The following STX8 variants were observed in gnomAD, a reference collection of about 807,000 sequenced individuals.
STX8 encodes syntaxin-8.
Under a neutral mutation model 37.5 loss-of-function variants are expected in STX8, and 23 were observed. The observed-to-expected ratio is 0.61, with a 90% CI of 0.44 to 0.87. The LOEUF is 0.87. Among genes scored for constraint, STX8 ranks in the 40% least tolerant of loss-of-function variants. STX8 has a pLI of 0.00. For synonymous variants in STX8, 115 were observed against 99.1 expected (o/e 1.16, Z -0.95); for missense variants, 313 against 284.7 (o/e 1.10, Z -0.71).
intron 7 of STX8, among the ~76,000 whole-genome samples, chr17:9,327,626 TG>T (rs1200520158): frequency 6.6e-6 from 1 of 152,134 alleles, no homozygotes; most frequent in Non-Finnish European, 1.5e-5. Context: ...AGGACCTCTC[TG>T]GAAACAGGGG....
intron 6 of STX8, among the ~76,000 whole-genome samples, chr17:9,399,703 T>A (rs567781680): frequency 1.3e-5 from 2 of 151,810 alleles, no homozygotes; most frequent in African/African-American, 4.8e-5. Context: ...CCATCTCTAC[T>A]AAAAATACAA....
At chr17:9,557,182 T>G (rs1444963405) in intron 3 of STX8, 5 of 369,476 alleles carry the variant, frequency 1.4e-5, no homozygotes, top group Non-Finnish European at 2.6e-5. Flanking sequence ...ACGGAAAACA[T>G]TAGCTTCCTG....
chr17:9,342,221 G>C (rs1430445375), intron 7 of STX8, among the ~76,000 whole-genome samples: 1 of 152,092 alleles, frequency 6.6e-6, no homozygotes, highest in Non-Finnish European at 1.5e-5. Flanking sequence ...CGGAGCTCAG[G>C]TGGTAATGCT....
At chr17:9,493,470 C>A (rs1447636553) in intron 5 of STX8, among the ~76,000 whole-genome samples, 1 of 152,148 alleles carries the variant, frequency 6.6e-6, no homozygotes, top group Non-Finnish European at 1.5e-5. Flanking sequence ...TCCCAGCACA[C>A]CCCCTCCTCG....
chr17:9,534,372 C>T (rs761582413), intron 4 of STX8, among the ~76,000 whole-genome samples: 15 of 152,080 alleles, frequency 9.9e-5, no homozygotes, highest in Non-Finnish European at 1.9e-4. Context: ...ACAAATCCCA[C>T]AATCTTGGAT....
chr17:9,459,325 TGAG>T (rs1342264293), intron 6 of STX8, among the ~76,000 whole-genome samples: 3 of 152,286 alleles, frequency 2.0e-5, no homozygotes, highest in African/African-American at 7.2e-5. Flanking sequence ...CTCGAAATTC[TGAG>T]GAGGAGGAGG....
At chr17:9,378,229 A>C (rs1035494099) in intron 7 of STX8, 1 of 212,220 alleles carries the variant, frequency 4.7e-6, no homozygotes, top group African/African-American at 2.3e-5. Flanking sequence ...CACAAAAGCA[A>C]GTGAGATCCC....
chr17:9,474,205 C>T lies in STX8; in HGVS notation c.541+17624G>A, dbSNP rs1001448853. On this transcript the variant is annotated intron_variant, in intron 6 of 7. Transcript: ENST00000306357. ...AGAGGGCATGGGAGCTCTGTACCAC[C>T]ACCCCAACCTCTATACCTTGCCCTA... Among the ~76,000 whole-genome samples the T allele has an allele frequency of 2.0e-5, 3 of 152,136 alleles. No homozygotes were observed. The South Asian group carries it at 6.2e-4, about 32-fold the overall frequency.
chr17:9,253,706 G>C (rs923936595), intron 7 of STX8, among the ~76,000 whole-genome samples: 3 of 152,134 alleles, frequency 2.0e-5, no homozygotes, highest in Non-Finnish European at 4.4e-5. Context: ...TCACAGTTGG[G>C]AGGACACTTG....
intron 6 of STX8, among the ~76,000 whole-genome samples, chr17:9,441,012 T>C (rs1904630228): frequency 6.6e-6 from 1 of 152,160 alleles, no homozygotes; most frequent in Non-Finnish European, 1.5e-5. Flanking sequence ...TCCACTCCTG[T>C]GCCTCATCCT....
intron 6 of STX8, among the ~76,000 whole-genome samples, chr17:9,463,664 T>C (rs968769248): frequency 1.3e-5 from 2 of 152,186 alleles, no homozygotes; most frequent in South Asian, 2.1e-4. Context: ...TCCCAGCACT[T>C]TGGGAGGCCG....
chr17:9,383,998 G>T (rs1911905358), intron 6 of STX8, among the ~76,000 whole-genome samples: 1 of 152,116 alleles, frequency 6.6e-6, no homozygotes, highest in African/African-American at 2.4e-5. Flanking sequence ...GACCCATATG[G>T]TAGTTCTATC....
intron 7 of STX8, among the ~76,000 whole-genome samples, chr17:9,280,898 A>G (rs893993493): frequency 6.6e-6 from 1 of 152,226 alleles, no homozygotes; most frequent in Non-Finnish European, 1.5e-5. Context: ...ATTGATGTGG[A>G]GGCACAGTAG....
chr17:9,389,318 A>G (rs1912127000), intron 6 of STX8, among the ~76,000 whole-genome samples: 1 of 152,250 alleles, frequency 6.6e-6, no homozygotes, highest in African/African-American at 2.4e-5. Context: ...TTCAGAGTAT[A>G]GGTTGTGAAA....
intron 7 of STX8, among the ~76,000 whole-genome samples, chr17:9,298,105 C>T (rs1219875339): frequency 1.3e-5 from 2 of 152,140 alleles, no homozygotes; most frequent in Non-Finnish European, 2.9e-5. Flanking sequence ...TTGTCACAGT[C>T]AGCCTCCTCC....
chr17:9,430,473 A>G (rs1376669556), intron 6 of STX8, among the ~76,000 whole-genome samples: 3 of 151,530 alleles, frequency 2.0e-5, no homozygotes, highest in Non-Finnish European at 2.9e-5. Flanking sequence ...AAATCATACA[A>G]TATTTGTCTT....
chr17:9,312,616 C>T (rs1459564895), intron 7 of STX8, among the ~76,000 whole-genome samples: 2 of 152,142 alleles, frequency 1.3e-5, no homozygotes, highest in Admixed American at 1.3e-4. Flanking sequence ...GAGGCTTATA[C>T]AGAAATCACG....
chr17:9,569,167 G>A (rs1248279578), intron 1 of STX8, among the ~76,000 whole-genome samples: 2 of 152,202 alleles, frequency 1.3e-5, no homozygotes, highest in Non-Finnish European at 2.9e-5. Flanking sequence ...GGGGGTCTCC[G>A]CTGCACTGGG....
At position 9,394,775 on chromosome 17, in the gene STX8, TA is replaced by T. The variant is rs1310569950; in HGVS notation, c.542-16123del. On this transcript the variant is annotated intron_variant, in intron 6 of 7. Transcript: ENST00000306357. ...TAGAGGCACAAACAGTTATAAAGTT[TA>T]AAAAAGTTTGGCCAGGCACAGTGGC... Among the ~76,000 whole-genome samples the T allele has an allele frequency of 1.3e-5, 2 of 151,446 alleles. 1 individual carries two copies. Among genetic ancestry groups the T allele is most frequent in the Admixed American group, 1.3e-4 (2 of 15,224 alleles).
Sources: allele counts gnomAD v4.1 joint callset (sites outside exome capture counted in the v4.1 genomes callset), GRCh38; gene constraint gnomAD v4.1.1; transcripts MANE v1.5; gene names NCBI Gene and HGNC (gene_info 2026-07-23, HGNC 2026-07-21).